The following TSPEAR variants were observed in gnomAD, a reference collection of about 807,000 sequenced individuals.
TSPEAR encodes thrombospondin-type laminin G domain and EAR repeat-containing protein.
TSPEAR carries 69 observed loss-of-function variants against 71.6 expected under a neutral mutation model. The observed-to-expected ratio is 0.96, with a 90% CI of 0.79 to 1.18. The LOEUF is 1.18. TSPEAR is among the 50% of genes most tolerant of loss of function. The pLI, the probability that TSPEAR is intolerant of heterozygous loss-of-function variation, is 0.00. For missense variants in TSPEAR, 971 were observed against 894.9 expected (o/e 1.09, Z -1.09); for synonymous variants, 402 against 387.2 (o/e 1.04, Z -0.45).
At chr21:44,680,857 A>C (rs1472236149) in intron 1 of TSPEAR, among the ~76,000 whole-genome samples, 4 of 152,266 alleles carry the variant, frequency 2.6e-5, no homozygotes, top group African/African-American at 9.6e-5. Context: ...CCAGAGGTGA[A>C]GAACGGTGTG....
At chr21:44,699,183 T>A (rs1987531638) in intron 1 of TSPEAR, among the ~76,000 whole-genome samples, 1 of 149,878 alleles carries the variant, frequency 6.7e-6, no homozygotes, top group Non-Finnish European at 1.5e-5. Flanking sequence ...GACGACAGAG[T>A]GAGACCCTGT....
At chr21:44,677,557 A>G in intron 1 of TSPEAR, 2 of 879,828 alleles carry the variant, frequency 2.3e-6, no homozygotes, top group Non-Finnish European at 3.8e-6. Context: ...GAAGATGAGG[A>G]TGCTTCTTCT....
Position 44,651,214 on chromosome 21 carries a change from CA to C in TSPEAR, c.82+60218del, listed in dbSNP as rs1984770236. On this transcript the variant is annotated intron_variant, in intron 1 of 11. Coordinates refer to ENST00000323084, the MANE Select transcript of TSPEAR (RefSeq NM_144991.3). Reference sequence around the variant, plus strand: ...AGAGAGAGTGACAGCCCAGTCACCACAGGTCTCCAGAGAGGAGACTTGTCTC... The same window carrying C: ...AGAGAGAGTGACAGCCCAGTCACCACGGTCTCCAGAGAGGAGACTTGTCTC... Among the ~76,000 whole-genome samples, 6 of 152,244 alleles carry C rather than the reference CA, an allele frequency of 3.9e-5. No individual in the cohort carries two copies. The South Asian group carries it at 1.2e-3, about 32-fold the overall frequency.
At chr21:44,534,418 G>A (rs1486766983) in intron 2 of TSPEAR, among the ~76,000 whole-genome samples, 3 of 119,712 alleles carry the variant, frequency 2.5e-5, no homozygotes, top group Admixed American at 8.5e-5. Flanking sequence ...GGCGGGGCTG[G>A]TGTGTGAGGG....
At chr21:44,599,132 T>TTC (rs1555927987) in intron 1 of TSPEAR, among the ~76,000 whole-genome samples, 2 of 7,582 alleles carry the variant, frequency 2.6e-4, no homozygotes, top group African/African-American at 4.6e-4. Flanking sequence ...GAGGCCCCCA[T>TTC]TTTCTCTCTC....
rs587657662 is a variant in TSPEAR, at chr21:44,650,972, T to C, written c.82+60461A>G. Among the ~76,000 whole-genome samples the C allele has an allele frequency of 2.6e-5, 4 of 152,268 alleles. No individual in the cohort carries two copies. The South Asian group carries it at 8.3e-4, about 32-fold the overall frequency. On this transcript the variant is annotated intron_variant, in intron 1 of 11. Transcript: ENST00000323084. ...GGGAGGACAGGGTGACACTCCCTGA[T>C]GGTCCCCCAGGTCCAGGTGGCGCCC...
At chr21:44,654,321 G>T (rs1555942057) in intron 1 of TSPEAR, 1 of 1,614,078 alleles carries the variant, frequency 6.2e-7, no homozygotes, top group Non-Finnish European at 8.5e-7. Flanking sequence ...TATAGACCAG[G>T]GTGGGGCAGA....
At chr21:44,658,433 C>T in intron 1 of TSPEAR, 1 of 585,858 alleles carries the variant, frequency 1.7e-6, no homozygotes, top group Non-Finnish European at 2.7e-6. Context: ...CTTCCATGAC[C>T]CTGGGAACCC....
At chr21:44,709,029 A>T (rs1300516912) in intron 1 of TSPEAR, among the ~76,000 whole-genome samples, 1 of 152,218 alleles carries the variant, frequency 6.6e-6, no homozygotes, top group Non-Finnish European at 1.5e-5. Context: ...GGTAACACTC[A>T]GGACAGGGAG....
At chr21:44,500,601 T>C (rs1555911012) in intron 11 of TSPEAR, among the ~76,000 whole-genome samples, 1 of 152,230 alleles carries the variant, frequency 6.6e-6, no homozygotes, top group Non-Finnish European at 1.5e-5. Context: ...TGGCTTCTGC[T>C]CTCACGGGAA....
In TSPEAR at chr21:44,557,196, G is replaced by A. The variant is rs1163794972; in HGVS notation, c.303+10589C>T. On this transcript the variant is annotated intron_variant, in intron 2 of 11. Transcript: ENST00000323084. The stretch of plus-strand genomic sequence containing the variant: ...ATAGGTTTTGTCGGCTACATGAGAG[G>A]GTTCCTCACATAAGGCAAAAGAAAA... Among the ~76,000 whole-genome samples the A allele has an allele frequency of 3.9e-5, 6 of 152,134 alleles. No homozygotes were observed. In the East Asian group the frequency reaches 1.2e-3, roughly 29 times the overall value.
Position 44,658,243 on chromosome 21 carries a change from C to T in TSPEAR, c.82+53190G>A, listed in dbSNP as rs1341951309. On this transcript the variant is annotated intron_variant, in intron 1 of 11. Transcript: ENST00000323084. Reference sequence around the variant, plus strand: ...GCACCACTGCCCTCTGCAGACCCATCTCCTGCAGCACCCCTTCCTGCTGCT... The same window carrying T: ...GCACCACTGCCCTCTGCAGACCCATTTCCTGCAGCACCCCTTCCTGCTGCT... The T allele has an allele frequency of 1.9e-6, 3 of 1,614,062 alleles. No homozygotes were observed. The Admixed American group carries it at 5.0e-5, about 27-fold the overall frequency.
intron 1 of TSPEAR, among the ~76,000 whole-genome samples, chr21:44,691,556 T>C (rs891743139): frequency 2.0e-4 from 30 of 152,174 alleles, no homozygotes; most frequent in African/African-American, 6.8e-4. Flanking sequence ...ATATGCACCA[T>C]ACAAAGAGTC....
At chr21:44,528,666 G>T in intron 5 of TSPEAR, 83 bp from the exon 6 acceptor site, 1 of 1,550,660 alleles carries the variant, frequency 6.4e-7, no homozygotes, top group Non-Finnish European at 8.7e-7. Context: ...CCCCAAACCA[G>T]GCTGCCCTGC....
intron 1 of TSPEAR, among the ~76,000 whole-genome samples, chr21:44,640,414 A>G (rs1983960611): frequency 6.6e-6 from 1 of 152,202 alleles, no homozygotes; most frequent in Admixed American, 6.5e-5. Flanking sequence ...GTGACTGCTT[A>G]TGGGTGTGGT....
Position 44,710,681 on chromosome 21 carries a change from T to C in TSPEAR, c.82+752A>G, listed in dbSNP as rs17004695. On this transcript the variant is annotated intron_variant, in intron 1 of 11. Transcript: ENST00000323084. This position sits in a 1 kb window ranked among gnomAD's most constrained non-coding sequence, Gnocchi z 4.6. ...AGTCACTAATTTACTGTCCAGTAAC[T>C]GAGTTTCTAGCGACCAGGTCTAGTT... Among the ~76,000 whole-genome samples, 18,176 of 152,298 alleles carry C rather than the reference T, an allele frequency of 0.12. 1,231 individuals carry two copies. The highest frequency in any genetic ancestry group is 0.28 in the South Asian group (1,350 of 4,830).
intron 9 of TSPEAR, chr21:44,518,232 C>G (rs587769073): frequency 4.6e-6 from 2 of 439,558 alleles, no homozygotes; most frequent in South Asian, 3.4e-5. Flanking sequence ...TTTCTTTCAG[C>G]CTTTTTCTTT....
At chr21:44,562,279 G>C (rs587723848) in intron 2 of TSPEAR, among the ~76,000 whole-genome samples, 5 of 152,344 alleles carry the variant, frequency 3.3e-5, no homozygotes, top group Non-Finnish European at 5.9e-5. Context: ...AATAAGGGAT[G>C]TGAAGGAGCT....
intron 1 of TSPEAR, among the ~76,000 whole-genome samples, chr21:44,636,451 G>A (rs1983574321): frequency 6.6e-6 from 1 of 152,176 alleles, no homozygotes; most frequent in African/African-American, 2.4e-5. Context: ...AGTGAGCGTG[G>A]CCTGGGACAG....
Sources: gnomAD v4.1 joint callset for allele counts (sites outside exome capture counted in the v4.1 genomes callset) on GRCh38, gnomAD v4.1.1 for gene constraint, Gnocchi (gnomAD v3.1) non-coding constraint, MANE v1.5 for transcripts, NCBI Gene and HGNC (gene_info 2026-07-23, HGNC 2026-07-21) for gene names.